Variants in MAPK12 observed in about 807,000 individuals in gnomAD.
The protein encoded by MAPK12 is mitogen-activated protein kinase 12.
A neutral mutation model predicts 49.1 loss-of-function variants in MAPK12; 49 were observed. The ratio of observed to expected loss-of-function variants is 1.00; its 90% CI spans 0.79 to 1.27. The LOEUF is 1.27. Ranked by LOEUF, MAPK12 falls within the 50% of genes most tolerant of loss-of-function variation. MAPK12 has a pLI of 0.00. For synonymous variants in MAPK12, 251 were observed against 209.7 expected, an observed-to-expected ratio of 1.20 and a Z score of -1.70; for missense variants, 554 against 502.4, an observed-to-expected ratio of 1.10 and a Z score of -0.98.
intron 5 of MAPK12, 35 bp downstream of exon 5, chr22:50,256,900 G>T (rs373173206): frequency 1.2e-6 from 2 of 1,600,378 alleles, no homozygotes; most frequent in South Asian, 1.1e-5. Flanking sequence ...TGCACTGGGG[G>T]AGGGCTGATG....
chr22:50,253,502 G>GGGGGGGCCCCCCCCCCC, intron 11 of MAPK12, 22 bp from the exon 12 acceptor site: 2 of 171,672 alleles, frequency 1.2e-5, no homozygotes, highest in African/African-American at 6.7e-5. Flanking sequence ...GGGGGGGCGG[G>GGGGGGGCCCCCCCCCCC]CACAACAGAG....
At chr22:50,256,759 T>C in intron 5 of MAPK12, 113 bp from the exon 6 acceptor site, 1 of 1,522,758 alleles carries the variant, frequency 6.6e-7, no homozygotes, top group Non-Finnish European at 8.8e-7. Context: ...CCTTGCTCTC[T>C]GCAGCCCTTC....
intron 2 of MAPK12, among the ~76,000 whole-genome samples, chr22:50,258,945 A>G (rs112649731): frequency 0.014 from 2,074 of 152,228 alleles, 53 homozygotes; most frequent in African/African-American, 0.048. Flanking sequence ...GCACACTTGG[A>G]TAGTTTGAAG....
chr22:50,257,624 T>G, intron 3 of MAPK12: 1 of 561,542 alleles, frequency 1.8e-6, no homozygotes, highest in Non-Finnish European at 3.2e-6. Context: ...CTGGGGGCGA[T>G]GGGGGCGCGG....
intron 2 of MAPK12, among the ~76,000 whole-genome samples, chr22:50,258,888 G>A (rs527919659): frequency 3.9e-5 from 6 of 152,330 alleles, no homozygotes; most frequent in African/African-American, 7.2e-5. Context: ...TGTGGGCTGC[G>A]GGACACCTGG....
At chr22:50,256,048 C>T in intron 7 of MAPK12, 37 bp downstream of exon 7, 1 of 1,576,524 alleles carries the variant, frequency 6.3e-7, no homozygotes. Flanking sequence ...GCAGATGGTG[C>T]AGCCTGAGAG....
rs542981163 is a variant in MAPK12 at position 50,259,266 on chromosome 22, G to C, written c.256-965C>G. 6.6e-5 allele frequency among the ~76,000 whole-genome samples: 10 copies of C among 152,250 alleles called. No individual in the cohort carries two copies. The South Asian group carries it at 1.9e-3, about 28-fold the overall frequency. On this transcript the variant is annotated intron_variant, in intron 2 of 11. Coordinates refer to ENST00000215659, the MANE Select transcript of MAPK12 (RefSeq NM_002969.6). ...GAGGGGGTGTCCAGGGGGCAGCGGG[G>C]ACTGTGGACATGAGAGCTGGAGGGT... is the stretch of plus-strand genomic sequence containing the variant.
chr22:50,257,202 G>C lies in MAPK12; in HGVS notation c.315-9C>G. The C allele has an allele frequency of 6.2e-7, 1 of 1,607,332 alleles. No homozygotes were observed. The highest frequency in any genetic ancestry group is 8.5e-7 in the Non-Finnish European group (1 of 1,175,658). On this transcript the variant is annotated splice_polypyrimidine_tract_variant and intron_variant, in intron 3 of 11. Coordinates refer to ENST00000215659, the MANE Select transcript of MAPK12 (RefSeq NM_002969.6). ...ACGGCATCACCAGGTAACTGTGGGA[G>C]GGGCCGGAGCGCTGTCAGCGGACAG...
In MAPK12 at chr22:50,255,800, T is replaced by C; in HGVS notation, c.691+10A>G. Reference sequence around the variant, plus strand: ...CCCGCCCCTGGTGCCGCCCTGCGGCTGGAGGATACGGTCGCTGCCCTTGAA... The same window carrying C: ...CCCGCCCCTGGTGCCGCCCTGCGGCCGGAGGATACGGTCGCTGCCCTTGAA... On this transcript the variant is annotated intron_variant, in intron 8 of 11. Transcript: ENST00000215659. 6.2e-7 allele frequency: 1 copy of C among 1,612,534 alleles called. No homozygotes were observed. Among genetic ancestry groups the C allele is most frequent in the Non-Finnish European group, 8.5e-7 (1 of 1,179,956 alleles).
chr22:50,259,202 G>C, intron 2 of MAPK12, among the ~76,000 whole-genome samples: 1 of 152,200 alleles, frequency 6.6e-6, no homozygotes. Context: ...GTGGGCCAGA[G>C]CCATGGGCAA....
chr22:50,253,502 G>GGGGGGGGGGAGGA, intron 11 of MAPK12, 22 bp from the exon 12 acceptor site: 1 of 171,686 alleles, frequency 5.8e-6, no homozygotes, highest in Non-Finnish European at 1.1e-5. Flanking sequence ...GGGGGGGCGG[G>GGGGGGGGGGAGGA]CACAACAGAG....
intron 11 of MAPK12, 22 bp from the exon 12 acceptor site, chr22:50,253,502 G>GGGGCC: frequency 4.7e-5 from 8 of 171,652 alleles, no homozygotes; most frequent in Admixed American, 2.2e-4. Flanking sequence ...GGGGGGGCGG[G>GGGGCC]CACAACAGAG....
chr22:50,257,684 G>A (rs914070760), intron 3 of MAPK12: 3 of 600,036 alleles, frequency 5.0e-6, no homozygotes, highest in African/African-American at 3.7e-5. Context: ...GACAGACACA[G>A]GAGAATGGTA....
At position 50,256,581 on chromosome 22, in the gene MAPK12, CT is replaced by C. The variant is rs773736582; in HGVS notation, c.504+17del. 1.2e-6 allele frequency: 2 copies of C among 1,609,438 alleles called. No homozygotes were observed. Among genetic ancestry groups the C allele is most frequent in the Non-Finnish European group, 1.7e-6 (2 of 1,178,028 alleles). ...GGCCCCTGCCCCACCTCAGGGCCCC[CT>C]GCCAGGCAGCACACACCTTCAGCTC... On this transcript the variant is annotated intron_variant, in intron 6 of 11. Coordinates refer to ENST00000215659, the MANE Select transcript of MAPK12 (RefSeq NM_002969.6).
chr22:50,255,215 T>A lies in MAPK12; in HGVS notation c.1006A>T (p.Thr336Ser), dbSNP rs1281216459. 1 of 1,613,804 alleles carries A rather than the reference T, an allele frequency of 6.2e-7. No homozygotes were observed. Among genetic ancestry groups the A allele is most frequent in the Non-Finnish European group, 8.5e-7 (1 of 1,179,962 alleles). Residue 336 changes from threonine (T) to serine (S), a missense_variant, in exon 11 of 12, where the codon ACA becomes TCA. Coordinates refer to ENST00000215659, the MANE Select transcript of MAPK12 (RefSeq NM_002969.6). ...YDDSFDDVDR[T>S]LDEWKRVTYK... is the part of the protein sequence containing the mutation. ...CACTCACGCTTCCATTCATCCAGTGTGCGGTCAACGTCGTCAAAGGAGTCA... is the reference window on the plus strand; with the variant it reads ...CACTCACGCTTCCATTCATCCAGTGAGCGGTCAACGTCGTCAAAGGAGTCA...
chr22:50,257,994 G>T, intron 3 of MAPK12: 1 of 746,520 alleles, frequency 1.3e-6, no homozygotes, highest in Non-Finnish European at 2.5e-6. Flanking sequence ...GTGCTGGAGA[G>T]GGCCCAGGTG....
Position 50,253,485 on chromosome 22 carries a change from C to CGG in MAPK12, c.1025-7_1025-6dup. The CGG allele has an allele frequency of 6.4e-5, 6 of 94,168 alleles. No homozygotes were observed. The highest frequency in any genetic ancestry group is 4.1e-4 in the East Asian group (1 of 2,418). The allele number at this position is 94,168 out of a possible 1,614,324, so 5.8% of individuals were successfully genotyped here. ...GCACCTCTTTGTAAGTAACACCTGG[C>CGG]GGGGGTGGGGGGGCGGGCACAACAG... On this transcript the variant is annotated splice_region_variant and splice_polypyrimidine_tract_variant and intron_variant, in intron 11 of 11. Coordinates refer to ENST00000215659, the MANE Select transcript of MAPK12 (RefSeq NM_002969.6).
intron 3 of MAPK12, chr22:50,257,532 C>T (rs1393285273): frequency 3.8e-6 from 2 of 522,470 alleles, no homozygotes; most frequent in Non-Finnish European, 6.9e-6. Flanking sequence ...GTAGAGGCAG[C>T]AGGACTCGAG....
chr22:50,255,399 C>T, intron 10 of MAPK12, 29 bp from the exon 11 acceptor site: 1 of 1,612,828 alleles, frequency 6.2e-7, no homozygotes, highest in Non-Finnish European at 8.5e-7. Context: ...CAGGCCAGAC[C>T]ACGGGAGGCC....
Sources: gnomAD v4.1 joint callset for allele counts (sites outside exome capture counted in the v4.1 genomes callset) on GRCh38, gnomAD v4.1.1 for gene constraint, MANE v1.5 for transcripts, NCBI Gene and HGNC (gene_info 2026-07-23, HGNC 2026-07-21) for gene names.